Variants in TOB2 observed in about 807,000 individuals in gnomAD.
TOB2 encodes the protein transducer of ERBB2, 2.
A neutral mutation model predicts 17.3 loss-of-function variants in TOB2; 3 were observed. The observed-to-expected ratio is 0.17, with a 90% confidence interval of 0.08 to 0.45. The LOEUF is 0.45. Among genes scored for constraint, TOB2 ranks in the 20% least tolerant of loss-of-function variants. The pLI is 0.99. For missense variants in TOB2, 407 were observed against 445.7 expected (o/e 0.91, Z 0.78); for synonymous variants, 163 against 185.6 (o/e 0.88, Z 0.99).
chr22:41,438,987 A>C (rs2037585723), intron 1 of TOB2, among the ~76,000 whole-genome samples: 1 of 152,180 alleles, frequency 6.6e-6, no homozygotes, highest in Non-Finnish European at 1.5e-5. Flanking sequence ...GATAAACACC[A>C]GATTGTTATT....
intron 1 of TOB2, among the ~76,000 whole-genome samples, chr22:41,440,794 T>C (rs1381466310): frequency 6.6e-6 from 1 of 152,044 alleles, no homozygotes; most frequent in Non-Finnish European, 1.5e-5. Flanking sequence ...CTTGAACTCC[T>C]GGCCTCAAGT....
rs1332113341 is a variant in TOB2, at chr22:41,443,664, C to T, written c.-63+2715G>A. ...TTGAGATGGAGTTTCGGTTTTGTTG[C>T]CCAGGCTGGAGTGCAATGGCGCGAT... is the stretch of plus-strand genomic sequence containing the variant. On this transcript the variant is annotated intron_variant, in intron 1 of 1. Transcript: ENST00000327492. Among the ~76,000 whole-genome samples the T allele has an allele frequency of 2.1e-5, 3 of 141,856 alleles. No individual in the cohort carries two copies. The Admixed American group carries it at 2.2e-4, about 11-fold the overall frequency. The allele number at this position is 141,856 out of a possible 152,430, so 93.1% of individuals were successfully genotyped here. A position where few individuals can be genotyped will look rare whatever the true frequency, so the allele number is the denominator to read the frequency against.
intron 1 of TOB2, among the ~76,000 whole-genome samples, chr22:41,444,376 C>A (rs1211450586): frequency 6.6e-6 from 1 of 152,208 alleles, no homozygotes; most frequent in Non-Finnish European, 1.5e-5. Flanking sequence ...AAGACCCTTT[C>A]TAGGGCACTC....
intron 1 of TOB2, among the ~76,000 whole-genome samples, chr22:41,438,617 C>T (rs1394468572): frequency 5.5e-5 from 3 of 54,470 alleles, no homozygotes; most frequent in Admixed American, 4.8e-4. Flanking sequence ...GCAACAAGAG[C>T]GAAACTCTGT....
At chr22:41,439,416 A>G (rs1375773827) in intron 1 of TOB2, among the ~76,000 whole-genome samples, 12 of 151,990 alleles carry the variant, frequency 7.9e-5, no homozygotes, top group Admixed American at 7.2e-4. Context: ...GCCCCAACAC[A>G]TTTCCCTGTA....
chr22:41,437,581 C>T (rs571901025), intron 1 of TOB2, among the ~76,000 whole-genome samples, 174 bp from the exon 2 acceptor site: 2 of 152,226 alleles, frequency 1.3e-5, no homozygotes, highest in South Asian at 4.1e-4. Flanking sequence ...TAACATGAGG[C>T]CATCATGAAG....
intron 1 of TOB2, among the ~76,000 whole-genome samples, chr22:41,444,758 C>CG (rs560464785): frequency 3.1e-4 from 47 of 152,200 alleles, no homozygotes; most frequent in Admixed American, 9.8e-4. Context: ...CTAGGCTTTA[C>CG]GAGAGCCTAA....
chr22:41,441,965 G>A (rs2037625384), intron 1 of TOB2, among the ~76,000 whole-genome samples: 1 of 151,294 alleles, frequency 6.6e-6, no homozygotes, highest in African/African-American at 2.4e-5. Flanking sequence ...GATTGCGGGT[G>A]CCTATAATCC....
At chr22:41,439,683 T>C (rs558735423) in intron 1 of TOB2, among the ~76,000 whole-genome samples, 9 of 152,110 alleles carry the variant, frequency 5.9e-5, no homozygotes, top group Admixed American at 5.9e-4. Flanking sequence ...GCCTGGCTAG[T>C]TTTTGTATTT....
Position 41,436,296 on chromosome 22 carries a change from C to T in TOB2, c.*15G>A, listed in dbSNP as rs370123076. 10 of 1,537,476 alleles carry T rather than the reference C, an allele frequency of 6.5e-6. No individual in the cohort carries two copies. The highest frequency in any genetic ancestry group is 4.1e-5 in the African/African-American group (3 of 72,518). On this transcript the variant is annotated 3_prime_UTR_variant, in exon 2 of 2. Coordinates refer to ENST00000327492, the MANE Select transcript of TOB2 (RefSeq NM_016272.4). The surrounding 1 kb of genome is among the most constrained non-coding windows in gnomAD (Gnocchi z 4.8). Reference sequence around the variant, plus strand: ...GTGGTCTTGGGTGCTCCTGGCCCCACGGGCAGGTAGATGGTCAGTTGGCCA... The same window carrying T: ...GTGGTCTTGGGTGCTCCTGGCCCCATGGGCAGGTAGATGGTCAGTTGGCCA...
Position 41,437,263 on chromosome 22 carries a change from A to G in TOB2, c.83T>C (p.Phe28Ser). The G allele has an allele frequency of 2.5e-6, 4 of 1,613,950 alleles. No homozygotes were observed. The highest frequency in any genetic ancestry group is 2.5e-6 in the Non-Finnish European group (3 of 1,179,974). Reference protein sequence around the residue: ...NKLPRRRADLFGEELERLLKK... With the variant: ...NKLPRRRADLSGEELERLLKK... ...CAAAAGCCGCTCTAGCTCCTCCCCA[A>G]ACAGGTCTGCCCGGCGCCGGGGCAG... Residue 28 changes from phenylalanine to serine, a missense_variant, in exon 2 of 2, where the codon TTT becomes TCT. Physicochemically the swap from Phe to Ser is radical, Grantham distance 155 (BLOSUM62 -2). Coordinates refer to ENST00000327492, the MANE Select transcript of TOB2 (RefSeq NM_016272.4).
Position 41,437,411 on chromosome 22 carries a change from G to A in TOB2, c.-62-4C>T, listed in dbSNP as rs2037567388. ...CAGCCTTGGGCTCCAGGCGGCTCTG[G>A]GAAATGAGAGGCACCGTGAGAAAAT... On this transcript the variant is annotated splice_polypyrimidine_tract_variant and splice_region_variant and intron_variant, in intron 1 of 1. Coordinates refer to ENST00000327492, the MANE Select transcript of TOB2 (RefSeq NM_016272.4). The A allele has an allele frequency of 6.5e-7, 1 of 1,527,684 alleles. No homozygotes were observed. The highest frequency in any genetic ancestry group is 1.4e-5 in the African/African-American group (1 of 71,906). 94.6% of individuals were successfully genotyped at this position (1,527,684 alleles called of 1,614,324 possible). A position where few individuals can be genotyped will look rare whatever the true frequency, so the allele number is the denominator to read the frequency against.
At position 41,436,768 on chromosome 22, in the gene TOB2, T is replaced by G; in HGVS notation, c.578A>C (p.Lys193Thr). Residue 193 changes from lysine (K) to threonine (T), a missense_variant, in exon 2 of 2, where the codon AAG (lysine) becomes ACG (threonine). By Grantham distance (78) the Lys-to-Thr change is moderately conservative. Transcript: ENST00000327492. The surrounding 1 kb of genome is among the most constrained non-coding windows in gnomAD (Gnocchi z 4.8). ...ATKFGSTKMKKGGGAASGGGV... is the reference protein window; with the variant it reads ...ATKFGSTKMKTGGGAASGGGV... ...CCCACCACTTGCTGCCCCGCCCCCC[T>G]TCTTCATCTTAGTGGAGCCAAATTT... 6.2e-7 allele frequency: 1 copy of G among 1,613,664 alleles called. No homozygotes were observed. The highest frequency in any genetic ancestry group is 1.7e-5 in the Admixed American group (1 of 60,008).
At chr22:41,440,855 C>T (rs2037610908) in intron 1 of TOB2, among the ~76,000 whole-genome samples, 1 of 122,558 alleles carries the variant, frequency 8.2e-6, no homozygotes, top group Admixed American at 7.8e-5. Context: ...GCCTGAGCCA[C>T]CATGTCCAGC....
chr22:41,436,494 G>C lies in TOB2; in HGVS notation c.852C>G (p.Gly284=), dbSNP rs200479718. The stretch of plus-strand genomic sequence containing the variant: ...TGCCAGCCCCACTGCCTCCAAACGG[G>C]CCTGGGGTGCCGCTGCCCTGGCCAT... The part of the protein sequence containing the change: ...AADGQGSGTP[G]PFGGSGAGTC... The change falls in exon 2 of 2, where the codon GGC becomes GGG. Residue 284 remains glycine (G), a synonymous_variant. Transcript: ENST00000327492. The surrounding 1 kb of genome is among the most constrained non-coding windows in gnomAD (Gnocchi z 4.8). 1.9e-6 allele frequency: 3 copies of C among 1,613,758 alleles called. No individual in the cohort carries two copies. Among genetic ancestry groups the C allele is most frequent in the Non-Finnish European group, 2.5e-6 (3 of 1,179,844 alleles).
Position 41,436,681 on chromosome 22 carries a change from G to A in TOB2, c.665C>T (p.Ser222Leu), listed in dbSNP as rs1419422141. The change falls in exon 2 of 2, where the codon TCA becomes TTA. Residue 222 changes from serine to leucine, a missense_variant. Coordinates refer to ENST00000327492, the MANE Select transcript of TOB2 (RefSeq NM_016272.4). This position sits in a 1 kb window ranked among gnomAD's most constrained non-coding sequence, Gnocchi z 4.8. ...QPPQQPRMAR[S>L]PTNSLLKHKS... ...GTGCTTCAGCAGGCTGTTGGTGGGT[G>A]AGCGGGCCATGCGAGGCTGCTGTGG... is the stretch of plus-strand genomic sequence containing the variant. The A allele has an allele frequency of 3.7e-6, 6 of 1,613,974 alleles. No individual in the cohort carries two copies. Among genetic ancestry groups the A allele is most frequent in the Admixed American group, 1.7e-5 (1 of 60,012 alleles).
At chr22:41,444,870 GT>G (rs779525540) in intron 1 of TOB2, among the ~76,000 whole-genome samples, 75 of 152,152 alleles carry the variant, frequency 4.9e-4, no homozygotes, top group Non-Finnish European at 1.0e-3. Flanking sequence ...CTTAGATAAG[GT>G]CACGACCCCC....
intron 1 of TOB2, among the ~76,000 whole-genome samples, chr22:41,446,015 C>A (rs1435375075): frequency 6.6e-6 from 1 of 152,084 alleles, no homozygotes; most frequent in East Asian, 1.9e-4. Context: ...ATTTATTTAA[C>A]GGTGGGGGGA....
intron 1 of TOB2, among the ~76,000 whole-genome samples, 178 bp downstream of exon 1, chr22:41,446,201 G>C (rs750056184): frequency 6.6e-6 from 1 of 152,214 alleles, no homozygotes; most frequent in Non-Finnish European, 1.5e-5. Context: ...AGAGGAGCTG[G>C]GGAAAGTGGG....
Sources: allele counts gnomAD v4.1 joint callset (sites outside exome capture counted in the v4.1 genomes callset), GRCh38; gene constraint gnomAD v4.1.1; non-coding constraint Gnocchi (gnomAD v3.1); transcripts MANE v1.5; gene names NCBI Gene and HGNC (gene_info 2026-07-23, HGNC 2026-07-21).